The following PCDH15 variants were observed in gnomAD, a reference collection of about 807,000 sequenced individuals.
The protein encoded by PCDH15 is protocadherin related 15, also known as protocadherin-15.
In PCDH15, 129 loss-of-function variants were observed where a neutral mutation model predicts 178.5. That is an observed-to-expected ratio of 0.72 (90% CI 0.63 to 0.84). PCDH15 has a LOEUF of 0.84. Ranked by LOEUF, PCDH15 falls within the 40% of genes least tolerant of loss-of-function variation. PCDH15 has a pLI of 0.00. For synonymous variants in PCDH15, 800 were observed against 732.0 expected (o/e 1.09, Z -1.50); for missense variants, 2,230 against 2,099.9 (o/e 1.06, Z -1.21).
At chr10:55,032,013 G>C (rs1188553038) in intron 2 of PCDH15, among the ~76,000 whole-genome samples, 1 of 152,206 alleles carries the variant, frequency 6.6e-6, no homozygotes, top group Non-Finnish European at 1.5e-5. Context: ...GACTGGAAGA[G>C]TTTTGAAGGG....
Position 55,338,314 on chromosome 10 carries a change from A to C in PCDH15, c.-155-171663T>G, listed in dbSNP as rs1844453621. Among the ~76,000 whole-genome samples, 3 of 152,208 alleles carry C rather than the reference A, an allele frequency of 2.0e-5. No homozygotes were observed. The South Asian group carries it at 6.2e-4, about 31-fold the overall frequency. On this transcript the variant is annotated intron_variant, in intron 2 of 5. Transcript: ENST00000613346. ...ACTTCTGGGTATATATCTGAAAAAA[A>C]GGAATCAACATGGTGAAGAGATACC...
intron 8 of PCDH15, among the ~76,000 whole-genome samples, chr10:54,277,330 G>A (rs2058406441): frequency 6.6e-6 from 1 of 151,508 alleles, no homozygotes; most frequent in Admixed American, 6.6e-5. Context: ...GAGTGGCAAA[G>A]CAACTATAAC....
chr10:55,376,639 C>T (rs182808694), intron 2 of PCDH15, among the ~76,000 whole-genome samples: 5 of 152,032 alleles, frequency 3.3e-5, no homozygotes, highest in African/African-American at 1.2e-4. Context: ...ACATTTTGAT[C>T]TTATTGGCTT....
rs114013674 is a variant in PCDH15 at position 54,647,723 on chromosome 10, A to G, written c.91+16449T>C. Among the ~76,000 whole-genome samples, 884 of 152,230 alleles carry G rather than the reference A, an allele frequency of 5.8e-3. 8 individuals carry two copies. Among genetic ancestry groups the G allele is most frequent in the African/African-American group, 0.02 (838 of 41,554 alleles). On this transcript the variant is annotated intron_variant, in intron 2 of 37. Transcript: ENST00000644397. ...TTTGTAATGATTAAATAGATTAAAT[A>G]AGATAGTATATACTTGATTGACCAT...
intron 27 of PCDH15, among the ~76,000 whole-genome samples, chr10:53,857,962 T>C (rs1285540354): frequency 3.3e-5 from 5 of 152,050 alleles, no homozygotes; most frequent in African/African-American, 1.2e-4. Context: ...GTTTAACTCA[T>C]TGAAATCTAT....
intron 2 of PCDH15, among the ~76,000 whole-genome samples, chr10:55,379,034 T>G (rs1406896773): frequency 6.6e-6 from 1 of 152,076 alleles, no homozygotes; most frequent in African/African-American, 2.4e-5. Flanking sequence ...TTTGACATTT[T>G]GGGAAGAGAG....
At chr10:54,694,236 T>G (rs1018178656) in intron 1 of PCDH15, among the ~76,000 whole-genome samples, 1 of 152,202 alleles carries the variant, frequency 6.6e-6, no homozygotes, top group African/African-American at 2.4e-5. Flanking sequence ...GGGCTTATTC[T>G]GTTTAGAAGA....
intron 8 of PCDH15, among the ~76,000 whole-genome samples, chr10:54,240,613 T>A (rs2055143520): frequency 6.7e-6 from 1 of 148,314 alleles, no homozygotes; most frequent in Non-Finnish European, 1.5e-5. Context: ...ATTCTGTTAT[T>A]TATTTTCTTT....
At chr10:53,927,149 A>AGT (rs59045951) in intron 25 of PCDH15, among the ~76,000 whole-genome samples, 86,088 of 149,654 alleles carry the variant, frequency 0.58, 24,941 homozygotes, top group East Asian at 0.84. Flanking sequence ...TGTAAATGCA[A>AGT]GTGTGTGTGT....
intron 1 of PCDH15, among the ~76,000 whole-genome samples, chr10:55,169,543 A>T (rs1839277068): frequency 6.6e-6 from 1 of 152,196 alleles, no homozygotes; most frequent in Non-Finnish European, 1.5e-5. Flanking sequence ...CTGAATAATC[A>T]ATTAAAATTT....
rs562176435 is a variant in PCDH15, at chr10:54,251,044, G to A, written c.877-14113C>T. On this transcript the variant is annotated intron_variant, in intron 8 of 37. Coordinates refer to ENST00000644397, the MANE Select transcript of PCDH15 (RefSeq NM_001384140.1). ...ACAGTCAATTGACAGACGTCTTTGA[G>A]TACTTTTATTCTGAAGATAATATGA... Among the ~76,000 whole-genome samples the A allele has an allele frequency of 1.8e-4, 27 of 152,148 alleles. No individual in the cohort carries two copies. The South Asian group carries it at 5.6e-3, about 32-fold the overall frequency.
chr10:54,031,492 T>G (rs1292592503), intron 18 of PCDH15, among the ~76,000 whole-genome samples: 1 of 151,758 alleles, frequency 6.6e-6, no homozygotes, highest in African/African-American at 2.4e-5. Flanking sequence ...AATTGTTTTG[T>G]GGAGTGTACA....
intron 1 of PCDH15, among the ~76,000 whole-genome samples, chr10:54,793,882 T>C (rs2133594206): frequency 6.7e-6 from 1 of 148,262 alleles, no homozygotes; most frequent in South Asian, 2.1e-4. Context: ...TATTTAAAAA[T>C]ATGTGAATAA....
intron 2 of PCDH15, among the ~76,000 whole-genome samples, chr10:55,449,487 T>G (rs1839387498): frequency 6.6e-6 from 1 of 152,036 alleles, no homozygotes; most frequent in African/African-American, 2.4e-5. Context: ...GATTGCCCTG[T>G]CTAAAATGAG....
intron 1 of PCDH15, among the ~76,000 whole-genome samples, chr10:55,251,758 G>A (rs1841843857): frequency 6.6e-6 from 1 of 151,962 alleles, no homozygotes; most frequent in Admixed American, 6.6e-5. Flanking sequence ...AGTTATTTTT[G>A]TCAGGATACA....
At chr10:55,595,206 T>C (rs1842915212) in intron 2 of PCDH15, among the ~76,000 whole-genome samples, 1 of 152,022 alleles carries the variant, frequency 6.6e-6, no homozygotes, top group South Asian at 2.1e-4. Flanking sequence ...AAATTCAACA[T>C]TTAGGAAGTT....
intron 6 of PCDH15, among the ~76,000 whole-genome samples, chr10:54,342,179 C>T (rs1481449566): frequency 6.6e-6 from 1 of 152,090 alleles, no homozygotes; most frequent in Non-Finnish European, 1.5e-5. Context: ...GGAAAAATGC[C>T]TCCAGGGCAT....
At chr10:54,321,408 T>C (rs947023920) in intron 7 of PCDH15, among the ~76,000 whole-genome samples, 1 of 150,332 alleles carries the variant, frequency 6.7e-6, no homozygotes, top group African/African-American at 2.4e-5. Flanking sequence ...AGTAAATAGA[T>C]AATAAATATT....
At chr10:54,990,008 T>C (rs1839461871) in intron 2 of PCDH15, among the ~76,000 whole-genome samples, 1 of 152,182 alleles carries the variant, frequency 6.6e-6, no homozygotes, top group Non-Finnish European at 1.5e-5. Context: ...CCTGCTGCCC[T>C]CCATGTAAGA....
Sources: allele counts gnomAD v4.1 joint callset (sites outside exome capture counted in the v4.1 genomes callset), GRCh38; gene constraint gnomAD v4.1.1; transcripts MANE v1.5; gene names NCBI Gene and HGNC (gene_info 2026-07-23, HGNC 2026-07-21).